METTL25: variants seen among roughly 807,000 people sequenced by gnomAD.
The protein encoded by METTL25 is probable methyltransferase-like protein 25.
METTL25 carries 64 observed loss-of-function variants against 71.6 expected under a neutral mutation model. That is an observed-to-expected ratio of 0.89 (90% CI 0.73 to 1.10). The LOEUF (loss-of-function observed/expected upper bound fraction) is 1.10. METTL25 is among the 50% of genes least tolerant of loss of function. METTL25 has a pLI of 0.00. For synonymous variants in METTL25, 287 were observed against 250.3 expected, an observed-to-expected ratio of 1.15 and a Z score of -1.38; for missense variants, 807 against 707.0, an observed-to-expected ratio of 1.14 and a Z score of -1.60.
At chr12:82,459,064 C>T (rs1412167896) in intron 9 of METTL25, among the ~76,000 whole-genome samples, 1 of 152,028 alleles carries the variant, frequency 6.6e-6, no homozygotes, top group East Asian at 1.9e-4. Flanking sequence ...TTACTTTTAC[C>T]CAGTATTCTA....
chr12:82,426,541 A>G (rs1889030795), intron 5 of METTL25, among the ~76,000 whole-genome samples: 1 of 151,992 alleles, frequency 6.6e-6, no homozygotes, highest in Non-Finnish European at 1.5e-5. Flanking sequence ...TCTCTTACAC[A>G]CAGGTTGAGT....
intron 5 of METTL25, among the ~76,000 whole-genome samples, chr12:82,419,374 T>A (rs550711291): frequency 9.2e-5 from 14 of 152,228 alleles, no homozygotes; most frequent in African/African-American, 3.1e-4. Flanking sequence ...AGGGAAAAGA[T>A]AGACATCAGT....
Position 82,358,794 on chromosome 12 carries a change from C to T in METTL25, c.229C>T (p.Arg77Cys). ...GACGGAGGCCCTGCCCTCAGAGACG[C>T]GCCCCCTAGTGGAAGCAGAGTGGGA... ...SETEALPSET[R>C]PLVEAEWEAG... The change falls in exon 1 of 12, where the codon CGC (arginine) becomes TGC (cysteine). Residue 77 changes from arginine (R) to cysteine (C), a missense_variant. Coordinates refer to ENST00000248306, the MANE Select transcript of METTL25 (RefSeq NM_032230.3). The T allele has an allele frequency of 6.2e-7, 1 of 1,613,320 alleles. No homozygotes were observed. Among genetic ancestry groups the T allele is most frequent in the East Asian group, 2.2e-5 (1 of 44,852 alleles).
chr12:82,398,763 T>C, intron 3 of METTL25, 32 bp from the exon 4 acceptor site: 1 of 1,389,948 alleles, frequency 7.2e-7, no homozygotes, highest in East Asian at 2.5e-5. Context: ...TTGCCTAAAA[T>C]TCTTTAATTT....
chr12:82,432,725 C>A, intron 6 of METTL25, among the ~76,000 whole-genome samples: 1 of 151,478 alleles, frequency 6.6e-6, no homozygotes, highest in East Asian at 1.9e-4. Flanking sequence ...CAACCCATGT[C>A]CACCTTGTCT....
At chr12:82,456,945 A>T in intron 9 of METTL25, 125 bp downstream of exon 9, 1 of 419,560 alleles carries the variant, frequency 2.4e-6, no homozygotes, top group African/African-American at 2.0e-5. Flanking sequence ...TCCAAATTAT[A>T]TTGAAACAAG....
At chr12:82,387,033 ATG>A in intron 2 of METTL25, 66 bp downstream of exon 2, 1 of 1,278,466 alleles carries the variant, frequency 7.8e-7, no homozygotes, top group Non-Finnish European at 1.1e-6. Flanking sequence ...TTGTTCATAT[ATG>A]TGTATCTTTC....
chr12:82,392,333 C>T (rs917005618), intron 3 of METTL25, among the ~76,000 whole-genome samples: 1 of 149,774 alleles, frequency 6.7e-6, no homozygotes, highest in Non-Finnish European at 1.5e-5. Flanking sequence ...TCAGTTCCCA[C>T]CTATGAGTGA....
At chr12:82,441,595 C>T (rs565415187) in intron 8 of METTL25, among the ~76,000 whole-genome samples, 8 of 151,276 alleles carry the variant, frequency 5.3e-5, no homozygotes, top group African/African-American at 1.2e-4. Context: ...GTTTCCGGAC[C>T]GAAGGAACAA....
At chr12:82,387,000 T>G (rs756990795) in intron 2 of METTL25, 33 bp downstream of exon 2, 1 of 1,551,738 alleles carries the variant, frequency 6.4e-7, no homozygotes, top group Non-Finnish European at 8.8e-7. Flanking sequence ...ATGTGTGCTT[T>G]TTAGGTACTT....
At chr12:82,407,085 T>A (rs1227994028) in intron 5 of METTL25, among the ~76,000 whole-genome samples, 4 of 152,192 alleles carry the variant, frequency 2.6e-5, no homozygotes, top group Non-Finnish European at 4.4e-5. Flanking sequence ...TTTATTGACC[T>A]CCTTTCACAT....
intron 9 of METTL25, among the ~76,000 whole-genome samples, chr12:82,471,947 T>C (rs951390956): frequency 6.6e-6 from 1 of 152,104 alleles, no homozygotes; most frequent in African/African-American, 2.4e-5. Context: ...AGAGAGAGAA[T>C]AGATAAGAGG....
At chr12:82,426,685 T>G (rs1320054046) in intron 5 of METTL25, among the ~76,000 whole-genome samples, 10 of 152,028 alleles carry the variant, frequency 6.6e-5, no homozygotes, top group African/African-American at 2.4e-4. Context: ...CCATCTTTTA[T>G]TATGCTCCAC....
intron 8 of METTL25, among the ~76,000 whole-genome samples, chr12:82,445,698 T>G (rs1195849902): frequency 2.6e-5 from 4 of 152,166 alleles, no homozygotes; most frequent in African/African-American, 9.7e-5. Context: ...AGTCATGACA[T>G]TACAAGAAAA....
At chr12:82,384,938 C>A (rs1333814399) in intron 1 of METTL25, among the ~76,000 whole-genome samples, 2 of 152,046 alleles carry the variant, frequency 1.3e-5, no homozygotes, top group Admixed American at 1.3e-4. Flanking sequence ...TCCCCTTAAA[C>A]CTGAGAATTT....
Position 82,358,610 on chromosome 12 carries a change from G to A in METTL25, c.45G>A (p.Thr15=). 6.2e-7 allele frequency: 1 copy of A among 1,613,544 alleles called. No individual in the cohort carries two copies. ...CPLPVTPDLP[T]LRAKLQGLLQ... is the part of the protein sequence containing the mutation. ...TCCCGGTGACCCCGGACCTGCCCACGCTGCGTGCCAAGTTGCAGGGACTGC... is the reference window on the plus strand; with the variant it reads ...TCCCGGTGACCCCGGACCTGCCCACACTGCGTGCCAAGTTGCAGGGACTGC... Residue 15 remains threonine (T), a synonymous_variant, in exon 1 of 12, where the codon ACG becomes ACA. Coordinates refer to ENST00000248306, the MANE Select transcript of METTL25 (RefSeq NM_032230.3).
At chr12:82,433,065 C>G (rs997309674) in intron 6 of METTL25, among the ~76,000 whole-genome samples, 2 of 151,452 alleles carry the variant, frequency 1.3e-5, no homozygotes, top group Non-Finnish European at 3.0e-5. Context: ...CCTCTTTGTT[C>G]ATTGTTCAAG....
At chr12:82,386,468 T>C (rs1354371195) in intron 1 of METTL25, among the ~76,000 whole-genome samples, 6 of 103,764 alleles carry the variant, frequency 5.8e-5, no homozygotes, top group African/African-American at 2.3e-4. Context: ...TCTCTCTCCC[T>C]TCCTCCCTCC....
chr12:82,454,370 C>G (rs1891341698), intron 8 of METTL25, among the ~76,000 whole-genome samples: 1 of 151,868 alleles, frequency 6.6e-6, no homozygotes, highest in African/African-American at 2.4e-5. Context: ...TAGCTAAAAG[C>G]ATGGTATGTT....
Sources: gnomAD v4.1 joint callset for allele counts (sites outside exome capture counted in the v4.1 genomes callset) on GRCh38, gnomAD v4.1.1 for gene constraint, MANE v1.5 for transcripts, NCBI Gene and HGNC (gene_info 2026-07-23, HGNC 2026-07-21) for gene names.